Variants in PRKAG2 observed in about 807,000 individuals in gnomAD.
PRKAG2 encodes the protein protein kinase AMP-activated non-catalytic subunit gamma 2.
A neutral mutation model predicts 69.6 loss-of-function variants in PRKAG2; 26 were observed. That is an observed-to-expected ratio of 0.37 (90% confidence interval 0.27 to 0.52). The LOEUF is 0.52. Ranked by LOEUF, PRKAG2 falls within the 20% of genes least tolerant of loss-of-function variation. The pLI, the probability that PRKAG2 is intolerant of heterozygous loss-of-function variation, is 0.90. For synonymous variants in PRKAG2, 293 were observed against 285.0 expected, an observed-to-expected ratio of 1.03 and a Z score of -0.28; for missense variants, 557 against 740.0, an observed-to-expected ratio of 0.75 and a Z score of 2.87.
chr7:151,632,122 G>T lies in PRKAG2; in HGVS notation c.701C>A (p.Ala234Asp). The change falls in exon 5 of 16, where the codon GCC becomes GAC. Residue 234 changes from alanine to aspartate, a missense_variant. By Grantham distance (126) the Ala-to-Asp change is moderately radical. Coordinates refer to ENST00000287878, the MANE Select transcript of PRKAG2 (RefSeq NM_016203.4). This position sits in a 1 kb window ranked among gnomAD's most constrained non-coding sequence, Gnocchi z 4.2. ...APSKAAALAA[A>D]LGPAEAGMLE... The stretch of plus-strand genomic sequence containing the variant: ...CATGCCGGCTTCCGCGGGTCCCAGG[G>T]CCGCCGCCAGCGCCGCCTGAGGGGG... The T allele has an allele frequency of 7.1e-7, 1 of 1,407,990 alleles. No homozygotes were observed. The highest frequency in any genetic ancestry group is 9.4e-7 in the Non-Finnish European group (1 of 1,067,338). 87.2% of individuals were successfully genotyped at this position (1,407,990 alleles called of 1,614,324 possible). A position where few individuals can be genotyped will look rare whatever the true frequency, so the allele number is the denominator to read the frequency against.
At chr7:151,602,777 G>C (rs1337139601) in intron 5 of PRKAG2, among the ~76,000 whole-genome samples, 1 of 152,120 alleles carries the variant, frequency 6.6e-6, no homozygotes, top group Non-Finnish European at 1.5e-5. Flanking sequence ...TTGGATCATG[G>C]GGGCAGTTTC....
At position 151,870,425 on chromosome 7, in the gene PRKAG2, G is replaced by C. The variant is rs75145828; in HGVS notation, c.114+6082C>G. 2.7e-3 allele frequency among the ~76,000 whole-genome samples: 418 copies of C among 152,276 alleles called. 2 individuals carry two copies. Among genetic ancestry groups the C allele is most frequent in the African/African-American group, 9.3e-3 (385 of 41,532 alleles). ...ACAAACACTGGGAGCTTCTACATAA[G>C]CTAGTCCATGAACCACACTTTGTTA... On this transcript the variant is annotated intron_variant, in intron 1 of 15. Coordinates refer to ENST00000287878, the MANE Select transcript of PRKAG2 (RefSeq NM_016203.4).
intron 13 of PRKAG2, among the ~76,000 whole-genome samples, chr7:151,564,881 G>A (rs1183958219): frequency 6.6e-6 from 1 of 152,154 alleles, no homozygotes; most frequent in Non-Finnish European, 1.5e-5. Context: ...TGTGGGGTCA[G>A]TATTGTGGCA....
intron 5 of PRKAG2, among the ~76,000 whole-genome samples, chr7:151,603,729 C>A (rs1190956428): frequency 6.6e-6 from 1 of 152,116 alleles, no homozygotes; most frequent in Admixed American, 6.5e-5. Context: ...ACCTTAATCA[C>A]CTGAGTGAAG....
intron 3 of PRKAG2, among the ~76,000 whole-genome samples, chr7:151,696,668 T>A (rs1836729597): frequency 6.6e-6 from 1 of 151,618 alleles, no homozygotes; most frequent in Non-Finnish European, 1.5e-5. Context: ...AAGCAGAGAG[T>A]CTGGGATTTG....
rs1251245716 is a variant in PRKAG2, at chr7:151,832,231, GGAGAGGAGGAGGGA to G, written c.114+44262_114+44275del. Among the ~76,000 whole-genome samples, 37 of 60,308 alleles carry G rather than the reference GGAGAGGAGGAGGGA, an allele frequency of 6.1e-4. 1 individual carries two copies. The highest frequency in any genetic ancestry group is 6.0e-3 in the East Asian group (12 of 1,986). 39.6% of individuals were successfully genotyped at this position (60,308 alleles called of 152,430 possible). ...GGAGGAAGAGGAGGGGAGGAGGGAA[GGAGAGGAGGAGGGA>G]AGGAAGGGAGGAGGGAAGGAAGGGA... is the stretch of plus-strand genomic sequence containing the variant. On this transcript the variant is annotated intron_variant, in intron 1 of 15. Coordinates refer to ENST00000287878, the MANE Select transcript of PRKAG2 (RefSeq NM_016203.4).
At chr7:151,819,844 T>C (rs2078728037) in intron 1 of PRKAG2, among the ~76,000 whole-genome samples, 2 of 152,206 alleles carry the variant, frequency 1.3e-5, no homozygotes, top group Admixed American at 6.5e-5. Flanking sequence ...TGCATGCAGC[T>C]CCTGCGGTGG....
intron 1 of PRKAG2, among the ~76,000 whole-genome samples, chr7:151,794,664 G>C (rs777392429): frequency 6.6e-6 from 1 of 152,256 alleles, no homozygotes; most frequent in Non-Finnish European, 1.5e-5. Context: ...GCCTGAGATC[G>C]GGTTTCAGAG....
intron 3 of PRKAG2, among the ~76,000 whole-genome samples, chr7:151,752,798 G>A (rs1054137526): frequency 6.6e-6 from 1 of 152,268 alleles, no homozygotes; most frequent in African/African-American, 2.4e-5. Flanking sequence ...AAACTAGCAA[G>A]TGAAAGTTTG....
intron 10 of PRKAG2, among the ~76,000 whole-genome samples, 197 bp from the exon 11 acceptor site, chr7:151,569,039 A>G (rs1393744054): frequency 6.6e-6 from 1 of 152,204 alleles, no homozygotes; most frequent in Non-Finnish European, 1.5e-5. Context: ...ATACAAGTGC[A>G]AGCTACAAAT....
chr7:151,813,330 C>T (rs997747556), intron 1 of PRKAG2, among the ~76,000 whole-genome samples: 1 of 152,072 alleles, frequency 6.6e-6, no homozygotes, highest in Non-Finnish European at 1.5e-5. Context: ...ATCACCTTTG[C>T]TCTCCACCTG....
At chr7:151,696,138 G>A (rs368110602) in intron 3 of PRKAG2, among the ~76,000 whole-genome samples, 15 of 152,210 alleles carry the variant, frequency 9.9e-5, no homozygotes, top group East Asian at 3.9e-4. Context: ...GAGCTCAGCC[G>A]GCCTTTGTTC....
intron 3 of PRKAG2, among the ~76,000 whole-genome samples, chr7:151,750,283 C>T (rs547601321): frequency 2.4e-4 from 36 of 152,230 alleles, no homozygotes; most frequent in African/African-American, 8.4e-4. Flanking sequence ...GAACTGCAAA[C>T]GGGTGTTCCA....
intron 3 of PRKAG2, among the ~76,000 whole-genome samples, chr7:151,737,059 G>A (rs1220797142): frequency 6.6e-6 from 1 of 152,176 alleles, no homozygotes; most frequent in South Asian, 2.1e-4. Flanking sequence ...GGAAGCAAAA[G>A]ATAGAAAAAA....
At chr7:151,815,518 T>C (rs530496913) in intron 1 of PRKAG2, among the ~76,000 whole-genome samples, 93 of 152,078 alleles carry the variant, frequency 6.1e-4, no homozygotes, top group African/African-American at 2.2e-3. Context: ...GTACCCACAG[T>C]CCCCTAAAAT....
chr7:151,847,510 C>T (rs1282228591), intron 1 of PRKAG2, among the ~76,000 whole-genome samples: 4 of 152,188 alleles, frequency 2.6e-5, no homozygotes, highest in Admixed American at 2.0e-4. Context: ...CACAGGACAT[C>T]GACACCTGAG....
intron 1 of PRKAG2, among the ~76,000 whole-genome samples, chr7:151,831,413 T>C (rs1196046882): frequency 2.0e-5 from 3 of 152,224 alleles, no homozygotes; most frequent in African/African-American, 7.2e-5. Flanking sequence ...AAGGAAGGAC[T>C]GACGCATGGT....
chr7:151,659,495 T>G lies in PRKAG2; in HGVS notation c.684+15925A>C, dbSNP rs10274218. Among the ~76,000 whole-genome samples the G allele has an allele frequency of 5.0e-3, 769 of 152,328 alleles. 3 individuals are homozygous for G. Among genetic ancestry groups the G allele is most frequent in the African/African-American group, 0.018 (734 of 41,564 alleles). ...CATGGATCAGTATTTGTGTTGACCT[T>G]GAGGCTTTTCTTCTCACACCACGCA... is the stretch of plus-strand genomic sequence containing the variant. On this transcript the variant is annotated intron_variant, in intron 4 of 15. Transcript: ENST00000287878.
intron 6 of PRKAG2, among the ~76,000 whole-genome samples, chr7:151,579,200 C>G (rs1809761857): frequency 6.6e-6 from 1 of 151,942 alleles, no homozygotes; most frequent in Non-Finnish European, 1.5e-5. Flanking sequence ...AATTTTTTTT[C>G]TTGTAGAGGC....
Sources: allele counts gnomAD v4.1 joint callset (sites outside exome capture counted in the v4.1 genomes callset), GRCh38; gene constraint gnomAD v4.1.1; non-coding constraint Gnocchi (gnomAD v3.1); transcripts MANE v1.5; gene names NCBI Gene and HGNC (gene_info 2026-07-23, HGNC 2026-07-21).